NBEA: variants seen among roughly 807,000 people sequenced by gnomAD.
NBEA encodes the protein neurobeachin.
NBEA carries 44 observed loss-of-function variants against 343.4 expected under a neutral mutation model. That is an observed-to-expected ratio of 0.13 (90% CI 0.10 to 0.16). NBEA has a LOEUF of 0.16. Among genes scored for constraint, NBEA ranks in the 10% least tolerant of loss-of-function variants. NBEA has a pLI of 1.00. For synonymous variants in NBEA, 1,175 were observed against 1,238.7 expected, an observed-to-expected ratio of 0.95 and a Z score of 1.08; for missense variants, 2,555 against 3,631.3, an observed-to-expected ratio of 0.70 and a Z score of 7.62.
chr13:35,393,660 T>A (rs879712563), intron 38 of NBEA, among the ~76,000 whole-genome samples: 5 of 152,144 alleles, frequency 3.3e-5, no homozygotes, highest in African/African-American at 7.2e-5. Context: ...TTTCTGTATG[T>A]AAATGGTACC....
intron 2 of NBEA, among the ~76,000 whole-genome samples, chr13:35,043,017 T>TA (rs1268053366): frequency 4.0e-5 from 6 of 151,674 alleles, no homozygotes; most frequent in African/African-American, 7.2e-5. Flanking sequence ...TTTTTTCTTT[T>TA]AAAAAAAATC....
intron 36 of NBEA, among the ~76,000 whole-genome samples, chr13:35,337,158 C>T (rs1021465549): frequency 1.3e-5 from 2 of 151,956 alleles, no homozygotes; most frequent in Admixed American, 1.3e-4. Flanking sequence ...CCTTTCTTAT[C>T]GATAAATCAG....
rs117511878 is a variant in NBEA at position 34,957,729 on chromosome 13, C to T, written c.294+14615C>T. On this transcript the variant is annotated intron_variant, in intron 1 of 58. Transcript: ENST00000379939. ...ATATAACATATAACTTCTGAAGATACGTGTTTTCGCTACAACCCCTTTGTT... is the reference window on the plus strand; with the variant it reads ...ATATAACATATAACTTCTGAAGATATGTGTTTTCGCTACAACCCCTTTGTT... Among the ~76,000 whole-genome samples the T allele has an allele frequency of 5.9e-3, 903 of 152,146 alleles. 4 individuals are homozygous for T. Among genetic ancestry groups the T allele is most frequent in the Non-Finnish European group, 8.9e-3 (604 of 68,002 alleles).
At chr13:35,098,153 A>G (rs1195650318) in intron 10 of NBEA, 144 bp from the exon 11 acceptor site, 4 of 517,236 alleles carry the variant, frequency 7.7e-6, no homozygotes, top group Non-Finnish European at 1.3e-5. Flanking sequence ...TTCTTTCATA[A>G]TATAAGGCAT....
chr13:35,525,784 A>T (rs992091153), intron 41 of NBEA, among the ~76,000 whole-genome samples: 1 of 152,112 alleles, frequency 6.6e-6, no homozygotes, highest in Non-Finnish European at 1.5e-5. Flanking sequence ...AGGCACCAGC[A>T]CTTTTGGTGT....
intron 49 of NBEA, among the ~76,000 whole-genome samples, chr13:35,635,848 A>T (rs2083670220): frequency 6.6e-6 from 1 of 152,230 alleles, no homozygotes; most frequent in African/African-American, 2.4e-5. Flanking sequence ...GTACTTCACT[A>T]GGCCATGGTC....
intron 40 of NBEA, among the ~76,000 whole-genome samples, chr13:35,470,194 A>G (rs2075580450): frequency 6.6e-6 from 1 of 152,206 alleles, no homozygotes; most frequent in Admixed American, 6.5e-5. Context: ...GCCCTTTTAT[A>G]AATGCCCAGA....
intron 17 of NBEA, among the ~76,000 whole-genome samples, chr13:35,126,487 G>A (rs2067138972): frequency 6.6e-6 from 1 of 151,920 alleles, no homozygotes; most frequent in African/African-American, 2.4e-5. Context: ...ATTGCTCAAA[G>A]GCAAAACTCT....
intron 39 of NBEA, among the ~76,000 whole-genome samples, chr13:35,444,966 A>T (rs189735466): frequency 2.6e-5 from 4 of 152,154 alleles, no homozygotes; most frequent in Admixed American, 2.6e-4. Flanking sequence ...ACTTCATGCT[A>T]TCATTCCTGT....
At chr13:35,357,241 GT>G (rs2040540399) in intron 38 of NBEA, among the ~76,000 whole-genome samples, 2 of 151,844 alleles carry the variant, frequency 1.3e-5, no homozygotes, top group South Asian at 4.1e-4. Flanking sequence ...CTTACTAGCT[GT>G]ATGACTTGTA....
Position 35,073,905 on chromosome 13 carries a change from G to T in NBEA, c.1571+3053G>T, listed in dbSNP as rs374464745. ...TGCCATCAGTTGTGATCACACCACT[G>T]CTCTTCAGCCTGGGTAACAGAGCAA... On this transcript the variant is annotated intron_variant, in intron 10 of 58. Coordinates refer to ENST00000379939, the MANE Select transcript of NBEA (RefSeq NM_001385012.1). 2.3e-4 allele frequency among the ~76,000 whole-genome samples: 35 copies of T among 152,210 alleles called. No homozygotes were observed. The East Asian group carries it at 5.4e-3, about 24-fold the overall frequency.
intron 44 of NBEA, among the ~76,000 whole-genome samples, chr13:35,561,617 A>G (rs1360297140): frequency 6.6e-6 from 1 of 152,128 alleles, no homozygotes; most frequent in Non-Finnish European, 1.5e-5. Context: ...AGTGTCTCAT[A>G]CTTGACCAAT....
chr13:35,519,070 C>T (rs1339189985), intron 41 of NBEA, among the ~76,000 whole-genome samples: 2 of 152,216 alleles, frequency 1.3e-5, no homozygotes, highest in Non-Finnish European at 1.5e-5. Context: ...CTTAGCCTTT[C>T]AAGCAATCTC....
chr13:35,048,477 TTTAA>T (rs936091916), intron 4 of NBEA, 82 bp from the exon 5 acceptor site: 3 of 1,233,592 alleles, frequency 2.4e-6, no homozygotes, highest in Non-Finnish European at 3.3e-6. Context: ...TTGATTGTTA[TTTAA>T]TCTGCAAAAG....
intron 38 of NBEA, among the ~76,000 whole-genome samples, chr13:35,394,453 A>G (rs2042646912): frequency 6.6e-6 from 1 of 152,166 alleles, no homozygotes; most frequent in Non-Finnish European, 1.5e-5. Flanking sequence ...TGTAATGTTT[A>G]GAAACATTTT....
chr13:34,942,954 T>C lies in NBEA; in HGVS notation c.134T>C (p.Leu45Pro), dbSNP rs888433316. Reference protein sequence around the residue: ...GGTGGSGMGELRGASGSGSVM... With the variant: ...GGTGGSGMGEPRGASGSGSVM... The stretch of plus-strand genomic sequence containing the variant: ...ACCGGGGGCAGCGGGATGGGGGAGC[T>C]AAGGGGGGCGTCCGGCTCCGGCTCG... The change falls in exon 1 of 59, where the codon CTA becomes CCA. Residue 45 changes from leucine to proline, a missense_variant. Transcript: ENST00000379939. 7.6e-6 allele frequency: 12 copies of C among 1,586,934 alleles called. No homozygotes were observed. Among genetic ancestry groups the C allele is most frequent in the Non-Finnish European group, 1.0e-5 (12 of 1,167,926 alleles).
intron 17 of NBEA, among the ~76,000 whole-genome samples, chr13:35,132,374 G>T (rs2067478541): frequency 6.6e-6 from 1 of 152,042 alleles, no homozygotes; most frequent in Non-Finnish European, 1.5e-5. Context: ...TGGTCAGGCT[G>T]GTCTCAAACT....
chr13:35,070,866 G>A lies in NBEA; in HGVS notation c.1571+14G>A, dbSNP rs1195215578. 6.2e-7 allele frequency: 1 copy of A among 1,609,030 alleles called. No individual in the cohort carries two copies. Among genetic ancestry groups the A allele is most frequent in the Non-Finnish European group, 8.5e-7 (1 of 1,177,906 alleles). ...AACAACTGTCTGGTAAGTTTTCTTT[G>A]CATGTACAATTGCTGGTATTTTATA... On this transcript the variant is annotated intron_variant, in intron 10 of 58. Coordinates refer to ENST00000379939, the MANE Select transcript of NBEA (RefSeq NM_001385012.1).
intron 41 of NBEA, among the ~76,000 whole-genome samples, chr13:35,509,432 G>A (rs1303537396): frequency 6.6e-6 from 1 of 152,134 alleles, no homozygotes; most frequent in East Asian, 1.9e-4. Flanking sequence ...AGCAGTATAT[G>A]TAAGGGAATG....
Sources: gnomAD v4.1 joint callset for allele counts (sites outside exome capture counted in the v4.1 genomes callset) on GRCh38, gnomAD v4.1.1 for gene constraint, MANE v1.5 for transcripts, NCBI Gene and HGNC (gene_info 2026-07-23, HGNC 2026-07-21) for gene names.